Variants in CPLX1 observed in about 807,000 individuals in gnomAD.
CPLX1 encodes the protein complexin 1, also known as complexin-1.
In CPLX1, 6 loss-of-function variants were observed where a neutral mutation model predicts 15.6. The observed-to-expected ratio is 0.39, with a 90% CI of 0.21 to 0.76. The LOEUF (loss-of-function observed/expected upper bound fraction) is 0.76, where lower values mean the gene tolerates loss of function less well. Among genes scored for constraint, CPLX1 ranks in the 30% least tolerant of loss-of-function variants. The pLI, the probability that CPLX1 is intolerant of heterozygous loss-of-function variation, is 0.43. For synonymous variants in CPLX1, 91 were observed against 75.2 expected, an observed-to-expected ratio of 1.21 and a Z score of -1.08; for missense variants, 242 against 188.6, an observed-to-expected ratio of 1.28 and a Z score of -1.66.
At chr4:812,352 C>T (rs900651419) in intron 2 of CPLX1, among the ~76,000 whole-genome samples, 1 of 152,210 alleles carries the variant, frequency 6.6e-6, no homozygotes, top group South Asian at 2.1e-4. Context: ...GCTGGGATTA[C>T]AGGCAGGAGC....
chr4:787,687 A>G (rs1577466736), intron 3 of CPLX1: 1 of 984,870 alleles, frequency 1.0e-6, no homozygotes, highest in East Asian at 1.1e-4. Context: ...GGAGTGTGGG[A>G]TTTTGTTCTT....
At chr4:805,577 A>G (rs1402252066) in intron 2 of CPLX1, among the ~76,000 whole-genome samples, 1 of 152,262 alleles carries the variant, frequency 6.6e-6, no homozygotes, top group Non-Finnish European at 1.5e-5. Flanking sequence ...GAATTGCCAT[A>G]TGATCTAGCG....
At chr4:807,849 AT>A (rs1358956605) in intron 2 of CPLX1, among the ~76,000 whole-genome samples, 1 of 152,228 alleles carries the variant, frequency 6.6e-6, no homozygotes, top group Non-Finnish European at 1.5e-5. Flanking sequence ...TGTCAAAAAA[AT>A]GTTAGGCCAC....
intron 2 of CPLX1, among the ~76,000 whole-genome samples, chr4:813,806 T>A (rs2152647417): frequency 6.6e-6 from 1 of 152,184 alleles, no homozygotes; most frequent in Non-Finnish European, 1.5e-5. Context: ...CCTGTGCGGA[T>A]TCCCAAGCAT....
intron 3 of CPLX1, among the ~76,000 whole-genome samples, chr4:791,245 A>G (rs1746166151): frequency 6.6e-6 from 1 of 151,296 alleles, no homozygotes; most frequent in Admixed American, 6.6e-5. Flanking sequence ...AAGTCGATCA[A>G]CAGGAGATCC....
At chr4:791,454 C>T (rs977237342) in intron 3 of CPLX1, among the ~76,000 whole-genome samples, 2 of 152,182 alleles carry the variant, frequency 1.3e-5, no homozygotes, top group African/African-American at 4.8e-5. Flanking sequence ...CTGCCCCGCC[C>T]CTGCCCTCCC....
At chr4:797,854 C>T (rs183167940) in intron 2 of CPLX1, among the ~76,000 whole-genome samples, 6,336 of 151,884 alleles carry the variant, frequency 0.042, 209 homozygotes, top group Non-Finnish European at 0.066. Context: ...GGTGTGAACC[C>T]GGGAGGCGGA....
intron 2 of CPLX1, among the ~76,000 whole-genome samples, chr4:818,379 G>A (rs1263958943): frequency 5.9e-5 from 9 of 152,374 alleles, no homozygotes; most frequent in African/African-American, 1.4e-4. Flanking sequence ...GACTGCCACC[G>A]TCTCAGAGAG....
At chr4:807,877 C>T (rs1746588058) in intron 2 of CPLX1, among the ~76,000 whole-genome samples, 1 of 152,170 alleles carries the variant, frequency 6.6e-6, no homozygotes, top group Non-Finnish European at 1.5e-5. Flanking sequence ...TGACATTTGT[C>T]TTTCTTGATA....
intron 2 of CPLX1, among the ~76,000 whole-genome samples, chr4:800,742 T>C (rs980568566): frequency 7.0e-6 from 1 of 142,534 alleles, no homozygotes; most frequent in African/African-American, 2.6e-5. Flanking sequence ...AAAATATATA[T>C]ATATATATAT....
chr4:818,423 A>G (rs1746800821), intron 2 of CPLX1, among the ~76,000 whole-genome samples: 2 of 152,256 alleles, frequency 1.3e-5, no homozygotes, highest in South Asian at 4.1e-4. Context: ...CCCCGGGCCC[A>G]GCGTCTGATG....
At chr4:793,473 G>A (rs1746243920) in intron 2 of CPLX1, among the ~76,000 whole-genome samples, 1 of 152,202 alleles carries the variant, frequency 6.6e-6, no homozygotes. Flanking sequence ...CAGCCCACAG[G>A]ACAGATATGC....
At chr4:795,330 C>T (rs1285669427) in intron 2 of CPLX1, among the ~76,000 whole-genome samples, 1 of 152,234 alleles carries the variant, frequency 6.6e-6, no homozygotes, top group Non-Finnish European at 1.5e-5. Flanking sequence ...AGCACTGCTG[C>T]GACCCCGCCG....
intron 2 of CPLX1, among the ~76,000 whole-genome samples, chr4:799,983 G>C (rs553025569): frequency 4.1e-4 from 62 of 152,316 alleles, no homozygotes; most frequent in African/African-American, 1.4e-3. Context: ...CTCGAAGCCG[G>C]TCGTTCAGAC....
At chr4:787,729 C>G in intron 3 of CPLX1, 1 of 984,284 alleles carries the variant, frequency 1.0e-6, no homozygotes, top group Non-Finnish European at 1.2e-6. Flanking sequence ...TTTTGTCAGG[C>G]CCCGGGGTTT....
In CPLX1 at chr4:794,249, C is replaced by T. The variant is rs184218908; in HGVS notation, c.32-1641G>A. Among the ~76,000 whole-genome samples the T allele has an allele frequency of 5.1e-4, 78 of 152,344 alleles. 1 individual carries two copies. The highest frequency in any genetic ancestry group is 1.7e-3 in the African/African-American group (71 of 41,588). ...CAGGGCCATGCCTGCATCCTGCAGG[C>T]GCCGCCGACTGCACCTGTTTCCCTG... is the stretch of plus-strand genomic sequence containing the variant. On this transcript the variant is annotated intron_variant, in intron 2 of 3. Coordinates refer to ENST00000304062, the MANE Select transcript of CPLX1 (RefSeq NM_006651.4).
chr4:797,879 A>C (rs1448390595), intron 2 of CPLX1, among the ~76,000 whole-genome samples: 1 of 151,996 alleles, frequency 6.6e-6, no homozygotes, highest in East Asian at 2.0e-4. Context: ...GCAGTGAGCC[A>C]AGATCGCGCC....
At chr4:820,546 G>GTCCC (rs1560247539) in intron 2 of CPLX1, among the ~76,000 whole-genome samples, 1 of 152,186 alleles carries the variant, frequency 6.6e-6, no homozygotes, top group Non-Finnish European at 1.5e-5. Flanking sequence ...CCTGCCTGAG[G>GTCCC]TCCCAGATGG....
intron 2 of CPLX1, among the ~76,000 whole-genome samples, chr4:812,776 C>A (rs562612604): frequency 1.3e-5 from 2 of 152,238 alleles, no homozygotes; most frequent in African/African-American, 4.8e-5. Flanking sequence ...TGTCCTAACA[C>A]TGAGCATCCT....
Sources: gnomAD v4.1 joint callset for allele counts (sites outside exome capture counted in the v4.1 genomes callset) on GRCh38, gnomAD v4.1.1 for gene constraint, MANE v1.5 for transcripts, NCBI Gene and HGNC (gene_info 2026-07-23, HGNC 2026-07-21) for gene names.